The following DTWD2 variants were observed in gnomAD, a reference collection of about 807,000 sequenced individuals.
DTWD2 encodes the protein tRNA-uridine aminocarboxypropyltransferase 2.
DTWD2 carries 39 observed loss-of-function variants against 31.8 expected under a neutral mutation model. That is an observed-to-expected ratio of 1.22 (90% CI 0.95 to 1.60). DTWD2 has a LOEUF of 1.60. DTWD2 is among the 40% of genes most tolerant of loss of function. The pLI is 0.00. For missense variants in DTWD2, 515 were observed against 381.5 expected (o/e 1.35, Z -2.92); for synonymous variants, 180 against 142.8 (o/e 1.26, Z -1.86).
intron 4 of DTWD2, among the ~76,000 whole-genome samples, chr5:118,896,758 T>A (rs1006763554): frequency 6.6e-6 from 1 of 152,164 alleles, no homozygotes; most frequent in Non-Finnish European, 1.5e-5. Flanking sequence ...ATCTGCCTAG[T>A]CAGGGTAATC....
intron 5 of DTWD2, among the ~76,000 whole-genome samples, chr5:118,846,012 C>A (rs183426644): frequency 3.3e-5 from 5 of 151,976 alleles, no homozygotes; most frequent in Non-Finnish European, 7.4e-5. Context: ...CCTAAAACAA[C>A]GTAAAGTTGT....
At chr5:118,862,612 T>C (rs1752288160) in intron 4 of DTWD2, among the ~76,000 whole-genome samples, 2 of 152,200 alleles carry the variant, frequency 1.3e-5, no homozygotes, top group East Asian at 1.9e-4. Flanking sequence ...CAAAATACTA[T>C]ACATATATAC....
intron 5 of DTWD2, 152 bp from the exon 6 acceptor site, chr5:118,841,239 A>G (rs1031377622): frequency 9.2e-6 from 7 of 758,638 alleles, no homozygotes; most frequent in Non-Finnish European, 6.0e-6. Flanking sequence ...TAAATATATA[A>G]TTATTTCTAG....
chr5:118,907,501 C>A (rs544605776), intron 4 of DTWD2, among the ~76,000 whole-genome samples: 2 of 152,084 alleles, frequency 1.3e-5, no homozygotes, highest in South Asian at 4.1e-4. Flanking sequence ...GAGGCCAAGG[C>A]GGGCAGATCA....
At chr5:118,933,384 A>G (rs918335344) in intron 3 of DTWD2, among the ~76,000 whole-genome samples, 1 of 152,206 alleles carries the variant, frequency 6.6e-6, no homozygotes, top group Non-Finnish European at 1.5e-5. Context: ...ATAGATCAAT[A>G]TCCCTTATGA....
chr5:118,973,652 CTCGCGGCAGCCTCCT>C, intron 1 of DTWD2: 1 of 799,334 alleles, frequency 1.3e-6, no homozygotes, highest in Middle Eastern at 3.5e-4. Context: ...AGCCTCCTTG[CTCGCGGCAGCCTCCT>C]TGCTCGCCGC....
At chr5:118,948,806 A>C (rs1342699600) in intron 1 of DTWD2, among the ~76,000 whole-genome samples, 1 of 152,218 alleles carries the variant, frequency 6.6e-6, no homozygotes, top group Middle Eastern at 3.4e-3. Context: ...GAAAGGAAAG[A>C]GGAGTGGGGA....
chr5:118,866,016 G>C (rs78911804), intron 4 of DTWD2, among the ~76,000 whole-genome samples: 1 of 149,030 alleles, frequency 6.7e-6, no homozygotes, highest in Non-Finnish European at 1.5e-5. Context: ...GTGTGTGTGT[G>C]TGTCTGTGTG....
intron 4 of DTWD2, among the ~76,000 whole-genome samples, chr5:118,902,894 T>C (rs1476304183): frequency 6.6e-6 from 1 of 152,124 alleles, no homozygotes; most frequent in Non-Finnish European, 1.5e-5. Context: ...AATATCCTTT[T>C]ATACCACATA....
intron 4 of DTWD2, among the ~76,000 whole-genome samples, chr5:118,895,047 C>T (rs1183811682): frequency 6.6e-6 from 1 of 151,948 alleles, no homozygotes; most frequent in Non-Finnish European, 1.5e-5. Context: ...AACCTCCAAA[C>T]TGAAAAGGAA....
intron 4 of DTWD2, among the ~76,000 whole-genome samples, chr5:118,854,815 TAA>T (rs1752093025): frequency 6.6e-6 from 1 of 152,212 alleles, no homozygotes; most frequent in Non-Finnish European, 1.5e-5. Context: ...ACATTCTATA[TAA>T]AGTTATACTT....
chr5:118,972,263 G>A (rs184895791), intron 1 of DTWD2, among the ~76,000 whole-genome samples: 12 of 152,178 alleles, frequency 7.9e-5, no homozygotes, highest in African/African-American at 2.6e-4. Flanking sequence ...GAATCACATA[G>A]ACACAATCAG....
At chr5:118,895,962 T>A (rs1274604941) in intron 4 of DTWD2, among the ~76,000 whole-genome samples, 1 of 152,204 alleles carries the variant, frequency 6.6e-6, no homozygotes, top group African/African-American at 2.4e-5. Context: ...ACAAAACTAT[T>A]TTCTTTTCTA....
intron 4 of DTWD2, among the ~76,000 whole-genome samples, chr5:118,890,743 G>A (rs1022946545): frequency 6.6e-6 from 1 of 151,836 alleles, no homozygotes; most frequent in East Asian, 1.9e-4. Flanking sequence ...GGTAATTTTT[G>A]TATTTTTAGT....
chr5:118,963,863 C>T (rs1039877974), intron 1 of DTWD2, among the ~76,000 whole-genome samples: 11 of 152,124 alleles, frequency 7.2e-5, no homozygotes, highest in Admixed American at 6.5e-4. Flanking sequence ...ATGGTAACAA[C>T]CAACCTTCAT....
chr5:118,972,796 C>T (rs908472875), intron 1 of DTWD2, among the ~76,000 whole-genome samples: 1 of 152,196 alleles, frequency 6.6e-6, no homozygotes, highest in Non-Finnish European at 1.5e-5. Context: ...TGGCTTCATC[C>T]CTGGGATCCA....
chr5:118,930,831 TA>T lies in DTWD2; in HGVS notation c.405-2103del, dbSNP rs1753907036. Among the ~76,000 whole-genome samples, 4 of 152,140 alleles carry T rather than the reference TA, an allele frequency of 2.6e-5. No homozygotes were observed. The South Asian group carries it at 8.3e-4, about 32-fold the overall frequency. On this transcript the variant is annotated intron_variant, in intron 3 of 5. Coordinates refer to ENST00000510708, the MANE Select transcript of DTWD2 (RefSeq NM_173666.4). ...AAATCAATAGAAACACAGAGTAGAC[TA>T]GTGTTTGCTTAGGACTGGGAAGGCG... is the stretch of plus-strand genomic sequence containing the variant.
At chr5:118,906,419 G>C (rs1248782994) in intron 4 of DTWD2, among the ~76,000 whole-genome samples, 1 of 152,152 alleles carries the variant, frequency 6.6e-6, no homozygotes, top group Admixed American at 6.5e-5. Flanking sequence ...CATTTCATTT[G>C]TAACAGCCAA....
intron 4 of DTWD2, among the ~76,000 whole-genome samples, chr5:118,913,684 TA>T (rs568253666): frequency 9.0e-4 from 137 of 152,020 alleles, no homozygotes; most frequent in African/African-American, 3.1e-3. Flanking sequence ...TGAATAACCG[TA>T]AGTCATAAAA....
Sources: gnomAD v4.1 joint callset for allele counts (sites outside exome capture counted in the v4.1 genomes callset) on GRCh38, gnomAD v4.1.1 for gene constraint, MANE v1.5 for transcripts, NCBI Gene and HGNC (gene_info 2026-07-23, HGNC 2026-07-21) for gene names.